Variants in SGCZ observed in about 807,000 individuals in gnomAD.
SGCZ encodes the protein zeta-sarcoglycan.
SGCZ carries 40 observed loss-of-function variants against 41.3 expected under a neutral mutation model. That is an observed-to-expected ratio of 0.97 (90% CI 0.75 to 1.26). The LOEUF (loss-of-function observed/expected upper bound fraction) is 1.26. SGCZ is among the 50% of genes most tolerant of loss of function. The probability of loss-of-function intolerance (pLI) is 0.00; values close to 1 mark genes in which losing one functional copy is unlikely to be tolerated. For synonymous variants in SGCZ, 206 were observed against 137.5 expected, an observed-to-expected ratio of 1.50 and a Z score of -3.49; for missense variants, 552 against 369.8, an observed-to-expected ratio of 1.49 and a Z score of -4.04.
chr8:14,651,360 A>T (rs530929519), intron 1 of SGCZ, among the ~76,000 whole-genome samples: 1 of 152,224 alleles, frequency 6.6e-6, no homozygotes, highest in South Asian at 2.1e-4. Context: ...TACTGTTGGC[A>T]GAGCAGGAAT....
chr8:14,948,553 G>A (rs180744965), intron 1 of SGCZ, among the ~76,000 whole-genome samples: 5 of 152,010 alleles, frequency 3.3e-5, no homozygotes, highest in African/African-American at 9.7e-5. Context: ...AAAAAGCAGA[G>A]CCTGGTAGTC....
rs1800101719 is a variant in SGCZ at position 14,272,661 on chromosome 8, A to G, written c.337-34982T>C. 2.0e-5 allele frequency among the ~76,000 whole-genome samples: 3 copies of G among 152,264 alleles called. No individual in the cohort carries two copies. The South Asian group carries it at 6.2e-4, about 32-fold the overall frequency. ...CGTGTCCTGGTGTGTAGAATAAATT[A>G]TGTTCATCATAATTTTAAGCCATTG... On this transcript the variant is annotated intron_variant, in intron 3 of 7. Transcript: ENST00000382080.
intron 1 of SGCZ, among the ~76,000 whole-genome samples, chr8:15,083,133 G>C (rs1805816012): frequency 6.6e-6 from 1 of 152,072 alleles, no homozygotes. Context: ...ACACAAAATA[G>C]ACTGACAGAT....
At chr8:15,199,019 G>C (rs1354738988) in intron 1 of SGCZ, among the ~76,000 whole-genome samples, 3 of 152,114 alleles carry the variant, frequency 2.0e-5, no homozygotes, top group African/African-American at 7.2e-5. Context: ...TACCATATGA[G>C]AGTATTAATA....
chr8:14,160,056 T>C (rs1803993677), intron 5 of SGCZ, among the ~76,000 whole-genome samples: 1 of 152,190 alleles, frequency 6.6e-6, no homozygotes, highest in Non-Finnish European at 1.5e-5. Context: ...ACTGGGTAGA[T>C]GCAGAGTTGG....
rs938787606 is a variant in SGCZ at position 14,645,586 on chromosome 8, G to T, written c.40-90660C>A. On this transcript the variant is annotated intron_variant, in intron 1 of 7. Transcript: ENST00000382080. ...ACAAAAATAAATTCCTGGTATCCTC[G>T]AAGCTTGGATAAACAGCATCAGATT... Among the ~76,000 whole-genome samples, 4 of 149,466 alleles carry T rather than the reference G, an allele frequency of 2.7e-5. No individual in the cohort carries two copies. The Admixed American group carries it at 2.7e-4, about 10-fold the overall frequency.
intron 1 of SGCZ, among the ~76,000 whole-genome samples, chr8:15,123,481 G>A (rs564608723): frequency 6.6e-6 from 1 of 152,242 alleles, no homozygotes; most frequent in African/African-American, 2.4e-5. Context: ...TAGACCAGAG[G>A]AGATATAGAA....
At chr8:15,162,360 T>C (rs967881822) in intron 1 of SGCZ, among the ~76,000 whole-genome samples, 12 of 152,212 alleles carry the variant, frequency 7.9e-5, no homozygotes, top group African/African-American at 1.7e-4. Context: ...GAACATTTTA[T>C]GTGGAGTTAT....
intron 2 of SGCZ, among the ~76,000 whole-genome samples, chr8:14,459,417 T>C (rs1402740251): frequency 6.7e-6 from 1 of 149,624 alleles, no homozygotes; most frequent in South Asian, 2.1e-4. Context: ...TAAAGTATAA[T>C]AAAAAATAAA....
intron 1 of SGCZ, among the ~76,000 whole-genome samples, chr8:14,638,479 T>C (rs1307327611): frequency 6.6e-6 from 1 of 151,846 alleles, no homozygotes; most frequent in African/African-American, 2.4e-5. Context: ...ATTTAATTTG[T>C]TCAATCACTT....
chr8:15,035,248 A>G lies in SGCZ; in HGVS notation c.39+202337T>C, dbSNP rs546185235. Among the ~76,000 whole-genome samples, 4 of 152,306 alleles carry G rather than the reference A, an allele frequency of 2.6e-5. No individual in the cohort carries two copies. The South Asian group carries it at 8.3e-4, about 32-fold the overall frequency. ...GTAAAAGCATACAGTGTTTAATGCA[A>G]TTAAAGCTAATTTGTTATCAGCTTA... On this transcript the variant is annotated intron_variant, in intron 1 of 7. Coordinates refer to ENST00000382080, the MANE Select transcript of SGCZ (RefSeq NM_139167.4).
intron 2 of SGCZ, among the ~76,000 whole-genome samples, chr8:14,402,719 G>A (rs1466356074): frequency 6.8e-6 from 1 of 147,108 alleles, no homozygotes; most frequent in Non-Finnish European, 1.5e-5. Context: ...AAGTCAGGTA[G>A]TGTGATGCCT....
Position 14,611,504 on chromosome 8 carries a change from C to T in SGCZ, c.40-56578G>A, listed in dbSNP as rs6999853. Among the ~76,000 whole-genome samples, 603 of 152,162 alleles carry T rather than the reference C, an allele frequency of 4.0e-3. 4 individuals are homozygous for T. The highest frequency in any genetic ancestry group is 0.012 in the African/African-American group (494 of 41,546). On this transcript the variant is annotated intron_variant, in intron 1 of 7. Coordinates refer to ENST00000382080, the MANE Select transcript of SGCZ (RefSeq NM_139167.4). ...GCTGAAAGTTATACAAATCAATAAT[C>T]AGTAATACATAAATAAAATTAACAT...
chr8:15,165,410 T>C (rs1799636065), intron 1 of SGCZ, among the ~76,000 whole-genome samples: 1 of 152,170 alleles, frequency 6.6e-6, no homozygotes, highest in African/African-American at 2.4e-5. Flanking sequence ...ATTGGTAACA[T>C]GCAACATGCG....
chr8:15,094,131 T>G (rs889295810), intron 1 of SGCZ, among the ~76,000 whole-genome samples: 5 of 151,420 alleles, frequency 3.3e-5, no homozygotes, highest in South Asian at 2.1e-4. Flanking sequence ...TTATTTATGG[T>G]TTTTTTTAAA....
rs1361126316 is a variant in SGCZ, at chr8:14,731,234, A to G, written c.40-176308T>C. Among the ~76,000 whole-genome samples, 4 of 151,756 alleles carry G rather than the reference A, an allele frequency of 2.6e-5. No homozygotes were observed. In the East Asian group the frequency reaches 7.7e-4, roughly 29 times the overall value. Reference sequence around the variant, plus strand: ...AAAAGGATGAGTTCATGTCCTTTGCAGGGACATGGATGAAGCTGGAAACCA... The same window carrying G: ...AAAAGGATGAGTTCATGTCCTTTGCGGGGACATGGATGAAGCTGGAAACCA... On this transcript the variant is annotated intron_variant, in intron 1 of 7. Transcript: ENST00000382080.
At chr8:14,827,996 G>C (rs760836991) in intron 1 of SGCZ, among the ~76,000 whole-genome samples, 1 of 152,080 alleles carries the variant, frequency 6.6e-6, no homozygotes, top group Non-Finnish European at 1.5e-5. Context: ...AAATAAACTC[G>C]TACTACTTGT....
chr8:14,193,777 C>T (rs998925232), intron 4 of SGCZ, among the ~76,000 whole-genome samples: 23 of 151,704 alleles, frequency 1.5e-4, no homozygotes, highest in Admixed American at 1.2e-3. Context: ...CACCCTTGTC[C>T]AGTCCAACAT....
chr8:14,538,957 T>C (rs1353887449), intron 2 of SGCZ, among the ~76,000 whole-genome samples: 1 of 152,022 alleles, frequency 6.6e-6, no homozygotes, highest in East Asian at 1.9e-4. Context: ...TCAGCTTGGC[T>C]GGGCCAAAGT....
Sources: allele counts gnomAD v4.1 joint callset (sites outside exome capture counted in the v4.1 genomes callset), GRCh38; gene constraint gnomAD v4.1.1; transcripts MANE v1.5; gene names NCBI Gene and HGNC (gene_info 2026-07-23, HGNC 2026-07-21).